The following GABRB2 variants were observed in gnomAD, a reference collection of about 807,000 sequenced individuals.
GABRB2 encodes the protein gamma-aminobutyric acid receptor subunit beta-2.
Under a neutral mutation model 54.7 loss-of-function variants are expected in GABRB2, and 16 were observed. The ratio of observed to expected loss-of-function variants is 0.29; its 90% CI spans 0.20 to 0.44. GABRB2 has a LOEUF of 0.44. Among genes scored for constraint, GABRB2 ranks in the 20% least tolerant of loss-of-function variants. The pLI is 1.00. For missense variants in GABRB2, 355 were observed against 644.0 expected (o/e 0.55, Z 4.86); for synonymous variants, 244 against 233.8 (o/e 1.04, Z -0.40).
rs555955430 is a variant in GABRB2, at chr5:161,440,303, T to C, written c.458+19321A>G. ...CAATCAAAACACATTACTGGCTGAATGGATGAAAAAACAAGACTCATTGAT... is the reference window on the plus strand; with the variant it reads ...CAATCAAAACACATTACTGGCTGAACGGATGAAAAAACAAGACTCATTGAT... On this transcript the variant is annotated intron_variant, in intron 4 of 9. Transcript: ENST00000393959. Among the ~76,000 whole-genome samples, 74 of 152,200 alleles carry C rather than the reference T, an allele frequency of 4.9e-4. No homozygotes were observed. The Middle Eastern group carries it at 0.01, about 21-fold the overall frequency.
At chr5:161,343,816 A>T (rs940030807) in intron 5 of GABRB2, among the ~76,000 whole-genome samples, 6 of 152,080 alleles carry the variant, frequency 3.9e-5, no homozygotes, top group African/African-American at 1.4e-4. Flanking sequence ...TCTAACCTTG[A>T]TTTGTCCATA....
chr5:161,463,549 T>TCA (rs1758180520), intron 3 of GABRB2, among the ~76,000 whole-genome samples: 1 of 54,500 alleles, frequency 1.8e-5, no homozygotes, highest in Non-Finnish European at 3.0e-5. Context: ...TTCCAAATAT[T>TCA]TTTATTTATA....
At chr5:161,352,506 G>T (rs1246522528) in intron 5 of GABRB2, among the ~76,000 whole-genome samples, 1 of 151,990 alleles carries the variant, frequency 6.6e-6, no homozygotes, top group Admixed American at 6.6e-5. Flanking sequence ...CTAAAAAGTT[G>T]AACTCATCTA....
At chr5:161,487,340 T>G (rs1158267406) in intron 3 of GABRB2, among the ~76,000 whole-genome samples, 1 of 151,936 alleles carries the variant, frequency 6.6e-6, no homozygotes, top group Non-Finnish European at 1.5e-5. Flanking sequence ...CAAATTGGAC[T>G]GGAGCAGGTA....
intron 5 of GABRB2, among the ~76,000 whole-genome samples, chr5:161,367,697 T>G (rs530827417): frequency 3.3e-5 from 5 of 152,302 alleles, no homozygotes; most frequent in African/African-American, 9.6e-5. Context: ...CTAATTTTTT[T>G]CGTGCCTCTA....
chr5:161,544,816 T>A lies in GABRB2; in HGVS notation c.237+411A>T, dbSNP rs183477095. On this transcript the variant is annotated intron_variant, in intron 3 of 9. Coordinates refer to ENST00000393959, the MANE Select transcript of GABRB2 (RefSeq NM_001371727.1). ...GTGGGCATCAGTATTCCAGGGCCTT[T>A]ATTAGTTTTGTTTGTAGGCTATATT... 9.2e-4 allele frequency among the ~76,000 whole-genome samples: 140 copies of A among 152,206 alleles called. 1 individual carries two copies. The highest frequency in any genetic ancestry group is 3.2e-3 in the African/African-American group (131 of 41,520).
chr5:161,352,236 A>G (rs1268176827), intron 5 of GABRB2, among the ~76,000 whole-genome samples: 1 of 152,094 alleles, frequency 6.6e-6, no homozygotes, highest in African/African-American at 2.4e-5. Context: ...TAGTATGACA[A>G]CAAAATACCT....
At chr5:161,495,089 T>C (rs551835509) in intron 3 of GABRB2, among the ~76,000 whole-genome samples, 2 of 152,158 alleles carry the variant, frequency 1.3e-5, no homozygotes, top group Non-Finnish European at 2.9e-5. Context: ...TGATGCTTAG[T>C]CACAAATTAA....
intron 3 of GABRB2, among the ~76,000 whole-genome samples, chr5:161,496,551 A>G (rs372042988): frequency 3.4e-5 from 5 of 148,998 alleles, no homozygotes; most frequent in African/African-American, 1.2e-4. Context: ...TGGAAGTCAG[A>G]AAAAAAAAAG....
At chr5:161,452,841 C>G (rs1289866219) in intron 4 of GABRB2, among the ~76,000 whole-genome samples, 1 of 152,052 alleles carries the variant, frequency 6.6e-6, no homozygotes, top group African/African-American at 2.4e-5. Flanking sequence ...AAAAATGATA[C>G]AAGAAATACC....
chr5:161,509,528 ATCAGCTCCACACCT>A (rs1325786334), intron 3 of GABRB2, among the ~76,000 whole-genome samples: 2 of 151,960 alleles, frequency 1.3e-5, no homozygotes, highest in Admixed American at 1.3e-4. Context: ...TCCTCTTGGA[ATCAGCTCCACACCT>A]TACACATATT....
chr5:161,379,319 A>G (rs943079224), intron 5 of GABRB2, among the ~76,000 whole-genome samples: 1 of 152,162 alleles, frequency 6.6e-6, no homozygotes, highest in Non-Finnish European at 1.5e-5. Flanking sequence ...GGAGCTTACA[A>G]TGAGATGCAA....
intron 5 of GABRB2, among the ~76,000 whole-genome samples, chr5:161,368,076 A>G (rs1561624743): frequency 6.6e-6 from 1 of 151,322 alleles, no homozygotes; most frequent in Non-Finnish European, 1.5e-5. Context: ...TTGTTTTACA[A>G]GAATATCCTA....
chr5:161,309,883 G>A lies in GABRB2; in HGVS notation c.1192-15455C>T, dbSNP rs568818115. 1.6e-3 allele frequency among the ~76,000 whole-genome samples: 239 copies of A among 152,070 alleles called. 1 individual carries two copies. Among genetic ancestry groups the A allele is most frequent in the Middle Eastern group, 6.8e-3 (2 of 294 alleles). ...CCTGACCTCGTGATCTGCCCATCTC[G>A]GCCTCCCAAAGTGCTGGGATTACAG... On this transcript the variant is annotated intron_variant, in intron 9 of 9. Coordinates refer to ENST00000393959, the MANE Select transcript of GABRB2 (RefSeq NM_001371727.1).
intron 3 of GABRB2, among the ~76,000 whole-genome samples, chr5:161,490,272 A>G (rs1203799932): frequency 6.6e-6 from 1 of 151,740 alleles, no homozygotes; most frequent in Non-Finnish European, 1.5e-5. Flanking sequence ...TGAGAGATAG[A>G]ATAAACATAA....
intron 4 of GABRB2, among the ~76,000 whole-genome samples, chr5:161,439,458 TA>T (rs200697341): frequency 1.5e-4 from 22 of 150,218 alleles, no homozygotes; most frequent in Middle Eastern, 3.2e-3. Context: ...CACCTTAAGG[TA>T]AAAAAAACTC....
chr5:161,398,366 T>C (rs1223457164), intron 5 of GABRB2, among the ~76,000 whole-genome samples: 4 of 152,170 alleles, frequency 2.6e-5, no homozygotes, highest in Non-Finnish European at 5.9e-5. Flanking sequence ...ATAAGCATAG[T>C]AGTCAAAGCA....
At chr5:161,326,581 C>T in intron 8 of GABRB2, 100 bp from the exon 9 acceptor site, 1 of 1,324,626 alleles carries the variant, frequency 7.5e-7, no homozygotes, top group Non-Finnish European at 9.9e-7. Flanking sequence ...TGCTACTGGC[C>T]TTTAGAAATC....
intron 5 of GABRB2, among the ~76,000 whole-genome samples, chr5:161,377,068 T>G (rs1755328435): frequency 2.0e-5 from 3 of 152,172 alleles, no homozygotes; most frequent in African/African-American, 7.2e-5. Context: ...AGAAAAACTA[T>G]TTTAACTATT....
Sources: allele counts gnomAD v4.1 joint callset (sites outside exome capture counted in the v4.1 genomes callset), GRCh38; gene constraint gnomAD v4.1.1; transcripts MANE v1.5; gene names NCBI Gene and HGNC (gene_info 2026-07-23, HGNC 2026-07-21).